GABRA1: variants seen among roughly 807,000 people sequenced by gnomAD.
The protein encoded by GABRA1 is gamma-aminobutyric acid type A receptor subunit alpha1.
A neutral mutation model predicts 48.9 loss-of-function variants in GABRA1; 9 were observed. That is an observed-to-expected ratio of 0.18 (90% CI 0.11 to 0.32). The LOEUF (loss-of-function observed/expected upper bound fraction) is 0.32. GABRA1 is among the 10% of genes least tolerant of loss of function. The pLI is 1.00. For synonymous variants in GABRA1, 210 were observed against 198.7 expected (o/e 1.06, Z -0.48); for missense variants, 285 against 553.8 (o/e 0.51, Z 4.87).
intron 7 of GABRA1, among the ~76,000 whole-genome samples, chr5:161,883,493 C>A (rs1320978067): frequency 6.6e-6 from 1 of 152,084 alleles, no homozygotes; most frequent in Non-Finnish European, 1.5e-5. Flanking sequence ...ATGTGATCAT[C>A]AGACCAGATA....
At chr5:161,865,191 G>A (rs1758005115) in intron 3 of GABRA1, among the ~76,000 whole-genome samples, 1 of 151,934 alleles carries the variant, frequency 6.6e-6, no homozygotes, top group Non-Finnish European at 1.5e-5. Flanking sequence ...GACTTATATG[G>A]GATGTCATAT....
chr5:161,849,360 T>G (rs947853225), intron 1 of GABRA1, among the ~76,000 whole-genome samples: 1 of 152,156 alleles, frequency 6.6e-6, no homozygotes, highest in African/African-American at 2.4e-5. Flanking sequence ...AAAGGGTAAA[T>G]TAAAATTTTG....
At chr5:161,850,463 A>G in intron 1 of GABRA1, 1 of 471,824 alleles carries the variant, frequency 2.1e-6, no homozygotes, top group East Asian at 3.1e-5. Flanking sequence ...ATAAACAACA[A>G]GAAGAGAATA....
chr5:161,882,973 T>C (rs547653190), intron 7 of GABRA1, among the ~76,000 whole-genome samples: 1 of 152,276 alleles, frequency 6.6e-6, no homozygotes, highest in South Asian at 2.1e-4. Flanking sequence ...CTATGTGAAC[T>C]CTTAGAGATG....
chr5:161,881,113 T>C (rs1236739908), intron 6 of GABRA1, among the ~76,000 whole-genome samples: 1 of 152,222 alleles, frequency 6.6e-6, no homozygotes, highest in Admixed American at 6.5e-5. Flanking sequence ...CCTAAAAGTA[T>C]TGAGGGCCTC....
intron 3 of GABRA1, among the ~76,000 whole-genome samples, chr5:161,860,640 T>C (rs537482460): frequency 1.6e-4 from 24 of 151,886 alleles, no homozygotes; most frequent in African/African-American, 5.5e-4. Context: ...AAGAGTATAA[T>C]TGGATTGTTT....
At chr5:161,895,370 C>A (rs1000892823) in intron 8 of GABRA1, among the ~76,000 whole-genome samples, 1 of 152,058 alleles carries the variant, frequency 6.6e-6, no homozygotes, top group South Asian at 2.1e-4. Flanking sequence ...TTGTTTTACC[C>A]AGGACACCCA....
intron 3 of GABRA1, among the ~76,000 whole-genome samples, chr5:161,856,779 G>C (rs112979104): frequency 4.0e-4 from 60 of 151,068 alleles, no homozygotes; most frequent in African/African-American, 1.4e-3. Context: ...AGTACATTTT[G>C]AGAAGGTATC....
intron 7 of GABRA1, among the ~76,000 whole-genome samples, chr5:161,883,346 T>C (rs1448348767): frequency 6.6e-6 from 1 of 152,176 alleles, no homozygotes; most frequent in Non-Finnish European, 1.5e-5. Flanking sequence ...TCCTTTTTAG[T>C]GTAGTAACTG....
Position 161,897,230 on chromosome 5 carries a change from A to C in GABRA1, c.1179A>C (p.Ala393=), listed in dbSNP as rs779528536. 3 of 1,614,206 alleles carry C rather than the reference A, an allele frequency of 1.9e-6. No homozygotes were observed. In the Admixed American group the frequency reaches 5.0e-5, roughly 27 times the overall value. The change falls in exon 10 of 10, where the codon GCA becomes GCC. Residue 393 remains alanine, a synonymous_variant. Coordinates refer to ENST00000393943, the MANE Select transcript of GABRA1 (RefSeq NM_001127644.2). Reference sequence around the variant, plus strand: ...GCTTAGCCACCATTGCTAAAAGTGCAACCATAGAACCTAAAGAGGTCAAGC... The same window carrying C: ...GCTTAGCCACCATTGCTAAAAGTGCCACCATAGAACCTAAAGAGGTCAAGC... ...DPGLATIAKS[A]TIEPKEVKPE... is the part of the protein sequence containing the mutation.
At chr5:161,881,262 T>C (rs2113408883) in intron 6 of GABRA1, among the ~76,000 whole-genome samples, 2 of 152,242 alleles carry the variant, frequency 1.3e-5, no homozygotes, top group Middle Eastern at 6.8e-3. Flanking sequence ...TTCTTTAATG[T>C]TTAACCTCAT....
At chr5:161,855,046 AT>A (rs1291671642) in intron 3 of GABRA1, among the ~76,000 whole-genome samples, 2 of 151,534 alleles carry the variant, frequency 1.3e-5, no homozygotes, top group African/African-American at 4.8e-5. Flanking sequence ...AAGGAAATAA[AT>A]TTTCTTTCAA....
chr5:161,894,982 G>C (rs1429032465), intron 8 of GABRA1, among the ~76,000 whole-genome samples: 3 of 151,934 alleles, frequency 2.0e-5, no homozygotes, highest in African/African-American at 2.4e-5. Context: ...CTTCTTAGCT[G>C]TGTATTCTCT....
intron 5 of GABRA1, among the ~76,000 whole-genome samples, 185 bp from the exon 6 acceptor site, chr5:161,875,375 G>T (rs1390321184): frequency 6.6e-6 from 1 of 152,064 alleles, no homozygotes; most frequent in Non-Finnish European, 1.5e-5. Flanking sequence ...CAAACAAAAG[G>T]ATAGAATCCA....
At chr5:161,895,555 C>T (rs1355151078) in intron 8 of GABRA1, 111 bp from the exon 9 acceptor site, 3 of 992,872 alleles carry the variant, frequency 3.0e-6, no homozygotes, top group South Asian at 2.7e-5. Flanking sequence ...GTCTAGAAAC[C>T]ACATTCTGTC....
rs1194108917 is a variant in GABRA1, at chr5:161,850,653, A to G, written c.-15-143A>G. The G allele has an allele frequency of 3.9e-5, 27 of 696,866 alleles. 1 individual carries two copies. The highest frequency in any genetic ancestry group is 5.0e-5 in the Non-Finnish European group (19 of 382,342). 43.2% of individuals were successfully genotyped at this position (696,866 alleles called of 1,614,324 possible). On this transcript the variant is annotated intron_variant, in intron 1 of 9. Coordinates refer to ENST00000393943, the MANE Select transcript of GABRA1 (RefSeq NM_001127644.2). ...TGGAGAATGGATGGTCCAGGTTTCC[A>G]TTGCTTCCAATGAGGTGTCATATCC...
At chr5:161,859,475 A>G (rs1757769559) in intron 3 of GABRA1, among the ~76,000 whole-genome samples, 1 of 151,742 alleles carries the variant, frequency 6.6e-6, no homozygotes, top group Admixed American at 6.6e-5. Context: ...CTTTATGTAA[A>G]AGTAAGAAAA....
chr5:161,872,672 A>G (rs542334926), intron 4 of GABRA1, among the ~76,000 whole-genome samples: 2 of 152,308 alleles, frequency 1.3e-5, no homozygotes, highest in South Asian at 4.1e-4. Flanking sequence ...TGAGGTTTTC[A>G]GAGACAATGA....
At chr5:161,866,478 A>T (rs1480580360) in intron 4 of GABRA1, among the ~76,000 whole-genome samples, 2 of 152,122 alleles carry the variant, frequency 1.3e-5, no homozygotes, top group Non-Finnish European at 2.9e-5. Flanking sequence ...AACATCATAA[A>T]GTGGTCATGG....
Sources: gnomAD v4.1 joint callset for allele counts (sites outside exome capture counted in the v4.1 genomes callset) on GRCh38, gnomAD v4.1.1 for gene constraint, MANE v1.5 for transcripts, NCBI Gene and HGNC (gene_info 2026-07-23, HGNC 2026-07-21) for gene names.